The following LYRM1 variants were observed in gnomAD, a reference collection of about 807,000 sequenced individuals.
The protein encoded by LYRM1 is LYR motif containing 1.
In LYRM1, 14 loss-of-function variants were observed where a neutral mutation model predicts 14.9. The ratio of observed to expected loss-of-function variants is 0.94; its 90% confidence interval spans 0.62 to 1.47. The LOEUF is 1.47. LYRM1 is among the 40% of genes most tolerant of loss of function. The pLI is 0.00. For synonymous variants in LYRM1, 43 were observed against 56.2 expected (o/e 0.77, Z 1.05); for missense variants, 153 against 149.9 (o/e 1.02, Z -0.11).
chr16:20,921,936 C>A (rs1033961705), intron 3 of LYRM1: 7 of 151,752 alleles, frequency 4.6e-5, no homozygotes, highest in Non-Finnish European at 1.0e-4. Flanking sequence ...TAATGTTATA[C>A]TGCGTACTTA....
intron 1 of LYRM1, among the ~76,000 whole-genome samples, chr16:20,905,169 C>CA: frequency 6.6e-6 from 1 of 152,190 alleles, no homozygotes; most frequent in Non-Finnish European, 1.5e-5. Context: ...AAAGAGACCT[C>CA]GTTGTTCTTC....
intron 1 of LYRM1, among the ~76,000 whole-genome samples, chr16:20,905,703 T>C (rs2082285295): frequency 6.6e-6 from 1 of 152,214 alleles, no homozygotes; most frequent in African/African-American, 2.4e-5. Context: ...TTCAGTCCAG[T>C]GGACAAACCC....
At chr16:20,906,683 C>G (rs2082336744) in intron 1 of LYRM1, among the ~76,000 whole-genome samples, 1 of 152,192 alleles carries the variant, frequency 6.6e-6, no homozygotes, top group African/African-American at 2.4e-5. Context: ...TTCTATAAAT[C>G]TCAGCTGGGG....
At chr16:20,907,189 TAA>T (rs1567445530) in intron 1 of LYRM1, among the ~76,000 whole-genome samples, 2 of 152,168 alleles carry the variant, frequency 1.3e-5, no homozygotes, top group Non-Finnish European at 2.9e-5. Flanking sequence ...ACAGTGTATT[TAA>T]AAAGATATAA....
intron 1 of LYRM1, among the ~76,000 whole-genome samples, chr16:20,905,770 G>A (rs947082092): frequency 3.9e-5 from 6 of 152,160 alleles, no homozygotes; most frequent in Admixed American, 1.3e-4. Flanking sequence ...TGTCTCTTAC[G>A]CTGTTCTGGA....
chr16:20,900,954 C>T (rs1228224559), intron 1 of LYRM1, 65 bp downstream of exon 1: 1 of 152,752 alleles, frequency 6.5e-6, no homozygotes, highest in Non-Finnish European at 1.5e-5. Context: ...GGGTTGGCTC[C>T]CCACGGGCAG....
At chr16:20,920,335 T>C in intron 3 of LYRM1, 121 bp downstream of exon 3, 1 of 771,816 alleles carries the variant, frequency 1.3e-6, no homozygotes, top group Non-Finnish European at 2.3e-6. Context: ...GTGGGAGGCA[T>C]GTTGGAAATA....
In LYRM1 at chr16:20,915,629, C is replaced by T. The variant is rs140292232; in HGVS notation, c.74C>T (p.Ala25Val). The T allele has an allele frequency of 8.1e-6, 13 of 1,613,866 alleles. No individual in the cohort carries two copies. The African/African-American group carries it at 9.4e-5, about 12-fold the overall frequency. ...SIFRLARKWQ[A>V]TSGQMEDTIK... ...TTCAGGCTTGCGAGGAAATGGCAGG[C>T]GACATCAGGGCAGATGGAAGACACC... Residue 25 changes from alanine to valine, a missense_variant, in exon 2 of 4, where the codon GCG becomes GTG. Physicochemically the swap from Ala to Val is moderately conservative, Grantham distance 64 (BLOSUM62 0). Transcript: ENST00000567954.
chr16:20,915,269 G>A (rs2082815387), intron 1 of LYRM1, among the ~76,000 whole-genome samples: 1 of 152,074 alleles, frequency 6.6e-6, no homozygotes, highest in African/African-American at 2.4e-5. Context: ...TCAGGAGATC[G>A]AGACCACGGT....
At chr16:20,912,864 C>T (rs1198700388) in intron 1 of LYRM1, among the ~76,000 whole-genome samples, 7 of 151,514 alleles carry the variant, frequency 4.6e-5, no homozygotes, top group Non-Finnish European at 8.8e-5. Context: ...GTCAGGAGCT[C>T]GAGACCAGCC....
intron 1 of LYRM1, among the ~76,000 whole-genome samples, chr16:20,915,254 C>T (rs900556416): frequency 6.6e-6 from 1 of 152,132 alleles, no homozygotes; most frequent in South Asian, 2.1e-4. Context: ...GGGCAGATCA[C>T]GAGGTCAGGA....
chr16:20,919,192 A>G lies in LYRM1; in HGVS notation c.160-930A>G, dbSNP rs145045867. Among the ~76,000 whole-genome samples, 379 of 152,334 alleles carry G rather than the reference A, an allele frequency of 2.5e-3. 5 individuals are homozygous for G. In the South Asian group the frequency reaches 0.029, roughly 12 times the overall value. The stretch of plus-strand genomic sequence containing the variant: ...ATGATTTGACTATTTTGGAATTTCA[A>G]AAGCCCTTTGTTCCCCTTACTAATG... On this transcript the variant is annotated intron_variant, in intron 2 of 3. Coordinates refer to ENST00000567954, the MANE Select transcript of LYRM1 (RefSeq NM_001128302.3).
At chr16:20,917,902 G>A (rs766368643) in intron 2 of LYRM1, among the ~76,000 whole-genome samples, 2 of 151,358 alleles carry the variant, frequency 1.3e-5, no homozygotes, top group African/African-American at 4.9e-5. Context: ...ATATAGACAC[G>A]TTCTTATACT....
At chr16:20,912,570 C>T (rs1425120453) in intron 1 of LYRM1, among the ~76,000 whole-genome samples, 3 of 151,956 alleles carry the variant, frequency 2.0e-5, no homozygotes, top group Admixed American at 6.6e-5. Context: ...CGCGCCCAGC[C>T]GGCCTTAAAT....
Position 20,901,561 on chromosome 16 carries a change from A to G in LYRM1, c.-1+672A>G, listed in dbSNP as rs1424560849. On this transcript the variant is annotated intron_variant, in intron 1 of 3. Transcript: ENST00000567954. This position sits in a 1 kb window ranked among gnomAD's most constrained non-coding sequence, Gnocchi z 4.6. ...CAATGAGAAGGACTTTTAGGTTGGA[A>G]ACAGCCAGAAGGCCATGTGGCTGAA... Among the ~76,000 whole-genome samples, 1 of 152,178 alleles carries G rather than the reference A, an allele frequency of 6.6e-6. No homozygotes were observed. Among genetic ancestry groups the G allele is most frequent in the Non-Finnish European group, 1.5e-5 (1 of 68,036 alleles).
chr16:20,909,689 A>G (rs1366053299), intron 1 of LYRM1, among the ~76,000 whole-genome samples: 7 of 152,232 alleles, frequency 4.6e-5, no homozygotes, highest in Non-Finnish European at 8.8e-5. Context: ...ATTTTTCTAA[A>G]TAAGTTGCTT....
intron 1 of LYRM1, among the ~76,000 whole-genome samples, chr16:20,914,512 G>A (rs1001435306): frequency 2.7e-5 from 4 of 149,474 alleles, no homozygotes; most frequent in African/African-American, 7.5e-5. Context: ...ATGTTGCCCA[G>A]GCTAGTCTTG....
Position 20,901,438 on chromosome 16 carries a change from T to A in LYRM1, c.-1+549T>A, listed in dbSNP as rs2082045134. Among the ~76,000 whole-genome samples, 2 of 152,004 alleles carry A rather than the reference T, an allele frequency of 1.3e-5. No homozygotes were observed. The highest frequency in any genetic ancestry group is 2.9e-5 in the Non-Finnish European group (2 of 67,966). Reference sequence around the variant, plus strand: ...AAAGACCGGATGAGGTGACAGAAGATGGGGGGAGGGCCCCTCGAAATCGGG... The same window carrying A: ...AAAGACCGGATGAGGTGACAGAAGAAGGGGGGAGGGCCCCTCGAAATCGGG... On this transcript the variant is annotated intron_variant, in intron 1 of 3. Coordinates refer to ENST00000567954, the MANE Select transcript of LYRM1 (RefSeq NM_001128302.3). The surrounding 1 kb of genome is among the most constrained non-coding windows in gnomAD (Gnocchi z 4.6).
chr16:20,900,813 GCTC>G lies in LYRM1; in HGVS notation c.-74_-72del, dbSNP rs1289880146. ...GCTCGGTCGGCCACGGCTCTGCTGG[GCTC>G]CTGGCGCCGCCTCCTCCCAGCCCGC... On this transcript the variant is annotated 5_prime_UTR_variant, in exon 1 of 4. Transcript: ENST00000567954. The G allele has an allele frequency of 1.3e-5, 2 of 153,394 alleles. No individual in the cohort carries two copies. Among genetic ancestry groups the G allele is most frequent in the Non-Finnish European group, 2.9e-5 (2 of 69,090 alleles). The allele number at this position is 153,394 out of a possible 1,614,324, so 9.5% of individuals were successfully genotyped here.
Sources: allele counts gnomAD v4.1 joint callset (sites outside exome capture counted in the v4.1 genomes callset), GRCh38; gene constraint gnomAD v4.1.1; non-coding constraint Gnocchi (gnomAD v3.1); transcripts MANE v1.5; gene names NCBI Gene and HGNC (gene_info 2026-07-23, HGNC 2026-07-21).